IGFBPL1: variants seen among roughly 807,000 people sequenced by gnomAD.
The protein encoded by IGFBPL1 is insulin-like growth factor-binding protein-like 1.
A neutral mutation model predicts 23.9 loss-of-function variants in IGFBPL1; 20 were observed. The ratio of observed to expected loss-of-function variants is 0.84; its 90% confidence interval spans 0.59 to 1.22. The LOEUF is 1.22. IGFBPL1 is among the 50% of genes most tolerant of loss of function. IGFBPL1 has a pLI of 0.00. For missense variants in IGFBPL1, 436 were observed against 379.3 expected (o/e 1.15, Z -1.24); for synonymous variants, 184 against 171.8 (o/e 1.07, Z -0.56).
In IGFBPL1 at chr9:38,424,358, ACAGCGGCGG is replaced by A. The variant is rs2118335696; in HGVS notation, c.58_66del (p.Pro20_Leu22del). 1 of 796,652 alleles carries A rather than the reference ACAGCGGCGG, an allele frequency of 1.3e-6. No individual in the cohort carries two copies. The highest frequency in any genetic ancestry group is 1.9e-6 in the Non-Finnish European group (1 of 513,704). 49.3% of individuals were successfully genotyped at this position (796,652 alleles called of 1,614,324 possible). A position where few individuals can be genotyped will look rare whatever the true frequency, so the allele number is the denominator to read the frequency against. On this transcript the variant is annotated inframe_deletion, in exon 1 of 5. Transcript: ENST00000377694. ...ACGTCGCGGATCCCAAGGCTCGGGG[ACAGCGGCGG>A]CAGCAGCGGCAGCAGCAGCAGAAGC... is the stretch of plus-strand genomic sequence containing the variant.
chr9:38,413,186 G>A, intron 3 of IGFBPL1, 51 bp downstream of exon 3: 2 of 1,159,568 alleles, frequency 1.7e-6, no homozygotes, highest in South Asian at 1.3e-5. Context: ...GAAATATAAA[G>A]GATGGTTTAT....
Position 38,424,221 on chromosome 9 carries a change from G to T in IGFBPL1, c.204C>A (p.Arg68=). ...AGCTCGCGCCCTCGGCTCCCAGGCAGCGGGCGCAGCAGCCGCACTCGTCGA... is the reference window on the plus strand; with the variant it reads ...AGCTCGCGCCCTCGGCTCCCAGGCATCGGGCGCAGCAGCCGCACTCGTCGA... ...SALDECGCCA[R]CLGAEGASCG... The change falls in exon 1 of 5, where the codon CGC becomes CGA. Residue 68 remains arginine (R), a synonymous_variant. Coordinates refer to ENST00000377694, the MANE Select transcript of IGFBPL1 (RefSeq NM_001007563.3). The T allele has an allele frequency of 8.4e-7, 1 of 1,188,396 alleles. No homozygotes were observed. The highest frequency in any genetic ancestry group is 1.0e-6 in the Non-Finnish European group (1 of 961,566). The allele number at this position is 1,188,396 out of a possible 1,614,324, so 73.6% of individuals were successfully genotyped here. A position where few individuals can be genotyped will look rare whatever the true frequency, so the allele number is the denominator to read the frequency against.
In IGFBPL1 at chr9:38,424,120, C is replaced by A; in HGVS notation, c.305G>T (p.Gly102Val). ...ASQAAGAAPE[G>V]TGLCVCAQRG... ...CTGCGCGCACACGCAGAGCCCGGTG[C>A]CCTCGGGCGCTGCCCCAGCGGCCTG... Residue 102 changes from glycine (G) to valine (V), a missense_variant, in exon 1 of 5, where the codon GGC becomes GTC. By Grantham distance (109) the Gly-to-Val change is moderately radical (BLOSUM62 -3). Coordinates refer to ENST00000377694, the MANE Select transcript of IGFBPL1 (RefSeq NM_001007563.3). The A allele has an allele frequency of 7.8e-7, 1 of 1,278,658 alleles. No homozygotes were observed. The allele number at this position is 1,278,658 out of a possible 1,614,324, so 79.2% of individuals were successfully genotyped here.
At position 38,424,223 on chromosome 9, in the gene IGFBPL1, G is replaced by T. The variant is rs1587419082; in HGVS notation, c.202C>A (p.Arg68Ser). 1 of 1,190,284 alleles carries T rather than the reference G, an allele frequency of 8.4e-7. No individual in the cohort carries two copies. Among genetic ancestry groups the T allele is most frequent in the Non-Finnish European group, 1.0e-6 (1 of 962,808 alleles). The allele number at this position is 1,190,284 out of a possible 1,614,324, so 73.7% of individuals were successfully genotyped here. Residue 68 changes from arginine to serine, a missense_variant, in exon 1 of 5, where the codon CGC becomes AGC. Coordinates refer to ENST00000377694, the MANE Select transcript of IGFBPL1 (RefSeq NM_001007563.3). Reference protein sequence around the residue: ...SALDECGCCARCLGAEGASCG... With the variant: ...SALDECGCCASCLGAEGASCG... ...CTCGCGCCCTCGGCTCCCAGGCAGC[G>T]GGCGCAGCAGCCGCACTCGTCGAGC... is the stretch of plus-strand genomic sequence containing the variant.
At chr9:38,410,791 G>A (rs1013030386) in intron 4 of IGFBPL1, among the ~76,000 whole-genome samples, 2 of 152,210 alleles carry the variant, frequency 1.3e-5, no homozygotes, top group Non-Finnish European at 2.9e-5. Context: ...CAGTTCACCT[G>A]TAGGCAAGGA....
At position 38,407,264 on chromosome 9, in the gene IGFBPL1, T is replaced by G. The variant is rs1821441269; in HGVS notation, c.*1963A>C. Reference sequence around the variant, plus strand: ...TTTTGTTTTCAAAGAGAGCTTCCAGTGTTTTAAAGTTTGAAAACCACTCAT... The same window carrying G: ...TTTTGTTTTCAAAGAGAGCTTCCAGGGTTTTAAAGTTTGAAAACCACTCAT... On this transcript the variant is annotated 3_prime_UTR_variant, in exon 5 of 5. Transcript: ENST00000377694. Among the ~76,000 whole-genome samples the G allele has an allele frequency of 6.6e-6, 1 of 152,256 alleles. No individual in the cohort carries two copies. The highest frequency in any genetic ancestry group is 2.4e-5 in the African/African-American group (1 of 41,478).
intron 1 of IGFBPL1, among the ~76,000 whole-genome samples, chr9:38,419,751 C>T (rs867036501): frequency 4.6e-5 from 7 of 152,254 alleles, no homozygotes; most frequent in Admixed American, 1.3e-4. Context: ...GCCATACCAC[C>T]TTACCAGTGA....
rs945011308 is a variant in IGFBPL1, at chr9:38,407,254, G to C, written c.*1973C>G. Among the ~76,000 whole-genome samples the C allele has an allele frequency of 6.6e-6, 1 of 152,218 alleles. No individual in the cohort carries two copies. Among genetic ancestry groups the C allele is most frequent in the Non-Finnish European group, 1.5e-5 (1 of 68,038 alleles). On this transcript the variant is annotated 3_prime_UTR_variant, in exon 5 of 5. Coordinates refer to ENST00000377694, the MANE Select transcript of IGFBPL1 (RefSeq NM_001007563.3). ...AATTCTCATCTTTTGTTTTCAAAGA[G>C]AGCTTCCAGTGTTTTAAAGTTTGAA... is the stretch of plus-strand genomic sequence containing the variant.
At position 38,408,667 on chromosome 9, in the gene IGFBPL1, T is replaced by C. The variant is rs896546996; in HGVS notation, c.*560A>G. Among the ~76,000 whole-genome samples the C allele has an allele frequency of 1.1e-4, 17 of 152,310 alleles. No individual in the cohort carries two copies. The highest frequency in any genetic ancestry group is 4.1e-4 in the African/African-American group (17 of 41,556). Reference sequence around the variant, plus strand: ...AAGAACACTAAGACCACACTTCCTGTTATTTTCCCAAAAGGCCATCTTAAT... The same window carrying C: ...AAGAACACTAAGACCACACTTCCTGCTATTTTCCCAAAAGGCCATCTTAAT... On this transcript the variant is annotated 3_prime_UTR_variant, in exon 5 of 5. Coordinates refer to ENST00000377694, the MANE Select transcript of IGFBPL1 (RefSeq NM_001007563.3).
intron 1 of IGFBPL1, among the ~76,000 whole-genome samples, chr9:38,420,934 C>T (rs533992532): frequency 1.3e-5 from 2 of 152,288 alleles, no homozygotes; most frequent in African/African-American, 4.8e-5. Flanking sequence ...TTCCATGTGC[C>T]TCAGCTTTCC....
In IGFBPL1 at chr9:38,408,465, A is replaced by G. The variant is rs922341016; in HGVS notation, c.*762T>C. Among the ~76,000 whole-genome samples, 1 of 152,130 alleles carries G rather than the reference A, an allele frequency of 6.6e-6. No homozygotes were observed. Among genetic ancestry groups the G allele is most frequent in the Non-Finnish European group, 1.5e-5 (1 of 68,010 alleles). On this transcript the variant is annotated 3_prime_UTR_variant, in exon 5 of 5. Coordinates refer to ENST00000377694, the MANE Select transcript of IGFBPL1 (RefSeq NM_001007563.3). ...TAAAAAAGAGAATGCTAGGCTAACAAATGGATGCTCTGGTCTCCAAAGACC... is the reference window on the plus strand; with the variant it reads ...TAAAAAAGAGAATGCTAGGCTAACAGATGGATGCTCTGGTCTCCAAAGACC...
chr9:38,421,407 C>T (rs987529647), intron 1 of IGFBPL1, among the ~76,000 whole-genome samples: 1 of 151,888 alleles, frequency 6.6e-6, no homozygotes, highest in East Asian at 1.9e-4. Flanking sequence ...CAGTTTGGGG[C>T]ATTTCAGGGC....
At chr9:38,416,844 A>T (rs868007903) in intron 1 of IGFBPL1, among the ~76,000 whole-genome samples, 26 of 131,110 alleles carry the variant, frequency 2.0e-4, no homozygotes, top group African/African-American at 5.3e-4. Flanking sequence ...CCAGATAATT[A>T]AAAAAAATTT....
At chr9:38,423,047 C>A (rs969828665) in intron 1 of IGFBPL1, among the ~76,000 whole-genome samples, 2 of 152,200 alleles carry the variant, frequency 1.3e-5, no homozygotes, top group Non-Finnish European at 2.9e-5. Context: ...TCACCCTAAA[C>A]TCAGCACTGC....
chr9:38,411,751 T>C (rs1352669623), intron 3 of IGFBPL1, among the ~76,000 whole-genome samples: 1 of 152,178 alleles, frequency 6.6e-6, no homozygotes, highest in Non-Finnish European at 1.5e-5. Context: ...GCACGCTCCC[T>C]ATTGTGGCTC....
chr9:38,415,364 T>C (rs1821585523), intron 1 of IGFBPL1, among the ~76,000 whole-genome samples: 1 of 152,148 alleles, frequency 6.6e-6, no homozygotes, highest in South Asian at 2.1e-4. Context: ...AGACTGCACC[T>C]GGATAAGGCT....
intron 1 of IGFBPL1, among the ~76,000 whole-genome samples, chr9:38,420,107 C>A (rs990597504): frequency 3.7e-4 from 56 of 152,082 alleles, no homozygotes; most frequent in African/African-American, 1.4e-3. Context: ...CCCAGGCTAT[C>A]CTTGAACTCC....
At chr9:38,414,389 T>G (rs1821563716) in intron 1 of IGFBPL1, among the ~76,000 whole-genome samples, 186 bp from the exon 2 acceptor site, 1 of 152,194 alleles carries the variant, frequency 6.6e-6, no homozygotes, top group Non-Finnish European at 1.5e-5. Context: ...ACCGATCTCC[T>G]GATCCAATGA....
intron 1 of IGFBPL1, among the ~76,000 whole-genome samples, chr9:38,414,921 C>T (rs560565197): frequency 6.6e-6 from 1 of 152,344 alleles, no homozygotes; most frequent in Non-Finnish European, 1.5e-5. Flanking sequence ...CTACTCCACA[C>T]TCTGCCTTCC....
Sources: gnomAD v4.1 joint callset for allele counts (sites outside exome capture counted in the v4.1 genomes callset) on GRCh38, gnomAD v4.1.1 for gene constraint, MANE v1.5 for transcripts, NCBI Gene and HGNC (gene_info 2026-07-23, HGNC 2026-07-21) for gene names.